Variants in MATR3 observed in about 807,000 individuals in gnomAD.
MATR3 encodes the protein matrin 3.
A neutral mutation model predicts 85.5 loss-of-function variants in MATR3; 4 were observed. That is an observed-to-expected ratio of 0.05 (90% CI 0.02 to 0.11). MATR3 has a LOEUF of 0.11. Ranked by LOEUF, MATR3 falls within the 10% of genes least tolerant of loss-of-function variation. The pLI, the probability that MATR3 is intolerant of heterozygous loss-of-function variation, is 1.00. For synonymous variants in MATR3, 336 were observed against 343.1 expected, an observed-to-expected ratio of 0.98 and a Z score of 0.23; for missense variants, 685 against 1,016.1, an observed-to-expected ratio of 0.67 and a Z score of 4.43.
intron 13 of MATR3, 80 bp downstream of exon 13, chr5:139,325,742 T>C: frequency 7.7e-7 from 1 of 1,293,580 alleles, no homozygotes; most frequent in Non-Finnish European, 1.1e-6. Flanking sequence ...GATTTTAAAG[T>C]TGGTCTTACA....
chr5:139,286,585 C>G (rs1050961425), intron 3 of MATR3, among the ~76,000 whole-genome samples: 14 of 151,722 alleles, frequency 9.2e-5, no homozygotes, highest in African/African-American at 3.4e-4. Flanking sequence ...TGGCTCACAC[C>G]TGTAATCCCA....
intron 1 of MATR3, among the ~76,000 whole-genome samples, chr5:139,299,039 A>G (rs763080653): frequency 6.6e-6 from 1 of 152,248 alleles, no homozygotes; most frequent in Non-Finnish European, 1.5e-5. Context: ...TTAAGGGTAC[A>G]TACATTAAGT....
At chr5:139,299,527 T>C (rs1160935781) in intron 1 of MATR3, among the ~76,000 whole-genome samples, 4 of 151,996 alleles carry the variant, frequency 2.6e-5, no homozygotes, top group African/African-American at 9.7e-5. Context: ...TGTTAAAAAT[T>C]AGTCGGGTAT....
Position 139,319,039 on chromosome 5 carries a change from GT to G in MATR3, c.1434+9del, listed in dbSNP as rs985729016. ...AGAAGTATAAAAGAATAAAGGTAATGTTTATTTTTTTCAAGCTGTATATCAG... is the reference window on the plus strand; with the variant it reads ...AGAAGTATAAAAGAATAAAGGTAATGTTATTTTTTTCAAGCTGTATATCAG... On this transcript the variant is annotated splice_region_variant and intron_variant, in intron 8 of 14. Transcript: ENST00000394805. 18 of 1,602,528 alleles carry G rather than the reference GT, an allele frequency of 1.1e-5. No individual in the cohort carries two copies. Among genetic ancestry groups the G allele is most frequent in the Non-Finnish European group, 1.5e-5 (18 of 1,170,264 alleles).
chr5:139,326,042 T>C, intron 13 of MATR3, 121 bp from the exon 14 acceptor site: 3 of 914,052 alleles, frequency 3.3e-6, no homozygotes, highest in Non-Finnish European at 5.0e-6. Context: ...TTTTTTATCT[T>C]AGGCTGTATT....
intron 1 of MATR3, chr5:139,299,808 AAGC>A (rs1420237121): frequency 6.6e-6 from 1 of 152,228 alleles, no homozygotes. Context: ...GCTAGCTAAA[AAGC>A]AGGAGGACTA....
At chr5:139,286,926 A>G (rs1753725183) in intron 3 of MATR3, among the ~76,000 whole-genome samples, 1 of 151,812 alleles carries the variant, frequency 6.6e-6, no homozygotes, top group South Asian at 2.1e-4. Flanking sequence ...CTATTCTGCT[A>G]GACTCCTGAG....
chr5:139,286,375 T>C (rs1398869327), intron 3 of MATR3, among the ~76,000 whole-genome samples: 2 of 151,962 alleles, frequency 1.3e-5, no homozygotes, highest in African/African-American at 2.4e-5. Context: ...AAATGGGGTC[T>C]CACTGTGTTG....
chr5:139,328,553 C>A (rs926202540), intron 14 of MATR3, among the ~76,000 whole-genome samples: 1 of 152,088 alleles, frequency 6.6e-6, no homozygotes, highest in Non-Finnish European at 1.5e-5. Flanking sequence ...TTTATTAGAA[C>A]CCACAGCCAT....
rs2151959969 is a variant in MATR3 at position 139,307,453 on chromosome 5, A to G, written c.38A>G (p.Asp13Gly). The part of the protein sequence containing the change: ...KSFQQSSLSR[D>G]SQGHGRDLSA... Reference sequence around the variant, plus strand: ...TTCCAGCAGTCATCTCTCAGTAGGGACTCACAGGGTCATGGGCGTGACCTG... The same window carrying G: ...TTCCAGCAGTCATCTCTCAGTAGGGGCTCACAGGGTCATGGGCGTGACCTG... Residue 13 changes from aspartate (D) to glycine (G), a missense_variant, in exon 2 of 15, where the codon GAC becomes GGC. This residue lies in a region of MATR3 where 30 missense variants were observed against 69.5 expected (regional missense o/e 0.43). Transcript: ENST00000394805. The surrounding 1 kb of genome is among the most constrained non-coding windows in gnomAD (Gnocchi z 4.4). The G allele has an allele frequency of 6.2e-7, 1 of 1,613,852 alleles. No individual in the cohort carries two copies. The highest frequency in any genetic ancestry group is 8.5e-7 in the Non-Finnish European group (1 of 1,179,946).
At chr5:139,306,465 A>G (rs1055974831) in intron 1 of MATR3, among the ~76,000 whole-genome samples, 3 of 152,092 alleles carry the variant, frequency 2.0e-5, no homozygotes, top group African/African-American at 7.2e-5. Context: ...AATCACCTGT[A>G]TTTCCTGTAC....
chr5:139,325,086 G>A (rs984569048), intron 12 of MATR3, among the ~76,000 whole-genome samples: 16 of 152,036 alleles, frequency 1.1e-4, no homozygotes, highest in African/African-American at 1.4e-4. Flanking sequence ...CCAGCTACTC[G>A]GGAGGCTGAG....
At position 139,307,179 on chromosome 5, in the gene MATR3, C is replaced by CT; in HGVS notation, c.-177-58dup. 1 of 1,135,290 alleles carries CT rather than the reference C, an allele frequency of 8.8e-7. No homozygotes were observed. Among genetic ancestry groups the CT allele is most frequent in the Non-Finnish European group, 1.1e-6 (1 of 922,760 alleles). The allele number at this position is 1,135,290 out of a possible 1,614,324, so 70.3% of individuals were successfully genotyped here. ...CAACATGATGCATAAGTTTTTTTTT[C>CT]TTAAAAAAACGGCATCTGCTTAAAG... On this transcript the variant is annotated intron_variant, in intron 1 of 14. Coordinates refer to ENST00000394805, the MANE Select transcript of MATR3 (RefSeq NM_018834.6). This position sits in a 1 kb window ranked among gnomAD's most constrained non-coding sequence, Gnocchi z 4.4.
chr5:139,322,986 A>G lies in MATR3; in HGVS notation c.2148+19A>G, dbSNP rs1423569052. 3 of 1,544,586 alleles carry G rather than the reference A, an allele frequency of 1.9e-6. No individual in the cohort carries two copies. Among genetic ancestry groups the G allele is most frequent in the Non-Finnish European group, 2.7e-6 (3 of 1,126,480 alleles). On this transcript the variant is annotated intron_variant, in intron 12 of 14. Coordinates refer to ENST00000394805, the MANE Select transcript of MATR3 (RefSeq NM_018834.6). ...TAAAAAGGTAAAGAAAGATACATTG[A>G]TTTGTTTTAATAGAACATTAGATCA...
At chr5:139,321,793 A>G (rs1156231592) in intron 9 of MATR3, 105 bp from the exon 10 acceptor site, 1 of 1,212,500 alleles carries the variant, frequency 8.2e-7, no homozygotes, top group Non-Finnish European at 1.2e-6. Context: ...AAAAAAGAAA[A>G]AAAGTAATGA....
At chr5:139,301,615 C>T (rs1754447993) in intron 1 of MATR3, among the ~76,000 whole-genome samples, 1 of 151,864 alleles carries the variant, frequency 6.6e-6, no homozygotes, top group Non-Finnish European at 1.5e-5. Flanking sequence ...AGCCACCGCG[C>T]CCAGCCCAGA....
intron 1 of MATR3, chr5:139,294,033 G>A: frequency 7.8e-7 from 1 of 1,278,122 alleles, no homozygotes; most frequent in Non-Finnish European, 9.9e-7. Flanking sequence ...GCGGAGGTGA[G>A]CGGTCCGGGA....
At chr5:139,319,844 CAAAAAA>C (rs1208978797) in intron 9 of MATR3, among the ~76,000 whole-genome samples, 1 of 60,494 alleles carries the variant, frequency 1.7e-5, no homozygotes, top group South Asian at 6.2e-4. Flanking sequence ...ACTCCCAACT[CAAAAAA>C]AAAAATTTGC....
intron 3 of MATR3, among the ~76,000 whole-genome samples, chr5:139,286,679 T>C (rs1561921386): frequency 6.6e-6 from 1 of 151,628 alleles, no homozygotes; most frequent in South Asian, 2.1e-4. Flanking sequence ...ATCCCATCTT[T>C]ACTAAAAATA....
Sources: allele counts gnomAD v4.1 joint callset (sites outside exome capture counted in the v4.1 genomes callset), GRCh38; gene constraint gnomAD v4.1.1; regional missense constraint gnomAD v4.1.1; non-coding constraint Gnocchi (gnomAD v3.1); transcripts MANE v1.5; gene names NCBI Gene and HGNC (gene_info 2026-07-23, HGNC 2026-07-21).